The following OPRM1 variants were observed in gnomAD, a reference collection of about 807,000 sequenced individuals.
The protein encoded by OPRM1 is opioid receptor mu 1, also known as mu-type opioid receptor.
OPRM1 carries 27 observed loss-of-function variants against 31.8 expected under a neutral mutation model. The observed-to-expected ratio is 0.85, with a 90% CI of 0.63 to 1.17. OPRM1 has a LOEUF of 1.17. Ranked by LOEUF, OPRM1 falls within the 50% of genes most tolerant of loss-of-function variation. The pLI is 0.00. For synonymous variants in OPRM1, 196 were observed against 189.9 expected (o/e 1.03, Z -0.26); for missense variants, 536 against 511.1 (o/e 1.05, Z -0.47).
In OPRM1 at chr6:154,091,466, T is replaced by G. The variant is rs776230437; in HGVS notation, c.1158T>G (p.Asn386Lys). The G allele has an allele frequency of 6.2e-7, 1 of 1,611,050 alleles. No individual in the cohort carries two copies. The highest frequency in any genetic ancestry group is 8.5e-7 in the Non-Finnish European group (1 of 1,179,726). Residue 386 changes from asparagine to lysine, a missense_variant, in exon 3 of 4, where the codon AAT (asparagine) becomes AAG (lysine). Asn to Lys is a moderately conservative substitution (Grantham distance 94). Transcript: ENST00000330432. ...PSTANTVDRTNHQLENLEAET... is the reference protein window; with the variant it reads ...PSTANTVDRTKHQLENLEAET... Reference sequence around the variant, plus strand: ...CGGCCAATACAGTGGATAGAACTAATCATCAGGTACGCAGTCTCTAGAATT... The same window carrying G: ...CGGCCAATACAGTGGATAGAACTAAGCATCAGGTACGCAGTCTCTAGAATT...
intron 1 of OPRM1, among the ~76,000 whole-genome samples, chr6:154,083,943 C>CAA (rs57976654): frequency 0.044 from 1,559 of 35,046 alleles, 196 homozygotes; most frequent in African/African-American, 0.13. Context: ...GACTCCGTCT[C>CAA]AAAAAAAAAA....
intron 3 of OPRM1, among the ~76,000 whole-genome samples, chr6:154,232,049 GT>G (rs1269136068): frequency 1.3e-5 from 2 of 152,184 alleles, no homozygotes; most frequent in African/African-American, 2.4e-5. Flanking sequence ...GTCTTGGTAG[GT>G]TTTTTTCCTT....
Position 154,047,438 on chromosome 6 carries a change from T to TTCTCTCTC in OPRM1, c.290+7626_290+7633dup, listed in dbSNP as rs61704475. ...TGGCAAAGGTGGAGCGTGGGCAAAATTCTCTCTCTCTCTCTCTCTCTCTCT... is the reference window on the plus strand; with the variant it reads ...TGGCAAAGGTGGAGCGTGGGCAAAATTCTCTCTCTCTCTCTCTCTCTCTCTCTCTCTCT... On this transcript the variant is annotated intron_variant, in intron 1 of 3. Coordinates refer to ENST00000330432, the MANE Select transcript of OPRM1 (RefSeq NM_000914.5). 3.0e-3 allele frequency among the ~76,000 whole-genome samples: 443 copies of TTCTCTCTC among 146,580 alleles called. 1 individual carries two copies. Among genetic ancestry groups the TTCTCTCTC allele is most frequent in the African/African-American group, 0.011 (425 of 40,078 alleles).
intron 1 of OPRM1, among the ~76,000 whole-genome samples, chr6:154,018,343 C>T (rs540693005): frequency 6.6e-6 from 1 of 152,124 alleles, no homozygotes; most frequent in African/African-American, 2.4e-5. Flanking sequence ...TCACTTGAAC[C>T]TAGGAGGCAG....
intron 3 of OPRM1, among the ~76,000 whole-genome samples, chr6:154,104,786 T>A (rs1482862065): frequency 1.2e-4 from 19 of 152,236 alleles, no homozygotes; most frequent in Admixed American, 1.2e-3. Context: ...TTGGCTTTGA[T>A]GGAATGCTGT....
chr6:154,064,521 T>A (rs951129695), intron 1 of OPRM1, among the ~76,000 whole-genome samples: 1 of 152,230 alleles, frequency 6.6e-6, no homozygotes, highest in Non-Finnish European at 1.5e-5. Flanking sequence ...TGTTTGCTTT[T>A]GTTGCCTGTG....
intron 3 of OPRM1, among the ~76,000 whole-genome samples, chr6:154,152,330 A>AAAGAAAGAAAGAAAG: frequency 2.2e-5 from 1 of 44,938 alleles, no homozygotes; most frequent in African/African-American, 1.2e-4. Flanking sequence ...AAAGAAAGAA[A>AAAGAAAGAAAGAAAG]GAAAGAAAGA....
At chr6:154,102,935 A>C (rs1468196338) in intron 3 of OPRM1, among the ~76,000 whole-genome samples, 1 of 149,906 alleles carries the variant, frequency 6.7e-6, no homozygotes, top group African/African-American at 2.5e-5. Flanking sequence ...AAAAAAAAAA[A>C]ACACTCCATA....
Position 154,039,380 on chromosome 6 carries a change from C to G in OPRM1, c.-165C>G, listed in dbSNP as rs548400413. On this transcript the variant is annotated 5_prime_UTR_variant, in exon 1 of 4. Coordinates refer to ENST00000330432, the MANE Select transcript of OPRM1 (RefSeq NM_000914.5). ...GAGAATGTCAGATGCTCAGCTCGGTCCCCTCCGCCTGACGCTCCTCTCTGT... is the reference window on the plus strand; with the variant it reads ...GAGAATGTCAGATGCTCAGCTCGGTGCCCTCCGCCTGACGCTCCTCTCTGT... 18 of 1,545,152 alleles carry G rather than the reference C, an allele frequency of 1.2e-5. No homozygotes were observed. The highest frequency in any genetic ancestry group is 1.6e-5 in the Non-Finnish European group (18 of 1,143,032).
chr6:154,175,415 T>C (rs1435788524), intron 3 of OPRM1, among the ~76,000 whole-genome samples: 2 of 139,540 alleles, frequency 1.4e-5, no homozygotes, highest in South Asian at 4.6e-4. Context: ...ATCAACAAAA[T>C]AGATAGAATG....
chr6:154,194,033 T>C (rs1368594709), intron 3 of OPRM1, among the ~76,000 whole-genome samples: 1 of 152,248 alleles, frequency 6.6e-6, no homozygotes, highest in African/African-American at 2.4e-5. Flanking sequence ...TTTGTGACCA[T>C]GAGCAGTGGT....
chr6:154,018,442 A>G (rs1281689346), intron 1 of OPRM1, among the ~76,000 whole-genome samples: 1 of 151,668 alleles, frequency 6.6e-6, no homozygotes, highest in Non-Finnish European at 1.5e-5. Flanking sequence ...ACAAACAAAA[A>G]GAAGAAAATA....
At chr6:154,242,521 C>T (rs1175212568) in intron 3 of OPRM1, among the ~76,000 whole-genome samples, 1 of 152,120 alleles carries the variant, frequency 6.6e-6, no homozygotes, top group Admixed American at 6.5e-5. Flanking sequence ...TCTTCTCCTA[C>T]AGAAATGATC....
At chr6:154,152,327 G>GGA (rs1554285060) in intron 3 of OPRM1, among the ~76,000 whole-genome samples, 1 of 28,646 alleles carries the variant, frequency 3.5e-5, no homozygotes, top group Non-Finnish European at 6.9e-5. Context: ...AAGAAAGAAA[G>GGA]AAAGAAAGAA....
intron 3 of OPRM1, among the ~76,000 whole-genome samples, chr6:154,139,005 C>T (rs557723271): frequency 1.1e-4 from 16 of 152,344 alleles, no homozygotes; most frequent in Non-Finnish European, 2.1e-4. Flanking sequence ...CAGGATTTCA[C>T]CTCCAAGCCA....
intron 3 of OPRM1, among the ~76,000 whole-genome samples, chr6:154,144,336 C>G (rs1159613703): frequency 1.3e-5 from 2 of 152,130 alleles, no homozygotes; most frequent in Non-Finnish European, 2.9e-5. Context: ...TATATTGATA[C>G]CAAACCAGAT....
At chr6:154,016,230 G>C (rs1777996481) in intron 1 of OPRM1, among the ~76,000 whole-genome samples, 1 of 152,134 alleles carries the variant, frequency 6.6e-6, no homozygotes, top group Non-Finnish European at 1.5e-5. Flanking sequence ...GTTGAATAAA[G>C]TATGGTAATT....
chr6:154,147,713 G>A (rs1042548952), intron 3 of OPRM1, among the ~76,000 whole-genome samples: 1 of 152,160 alleles, frequency 6.6e-6, no homozygotes, highest in Non-Finnish European at 1.5e-5. Context: ...CTCCTACCAT[G>A]AGGAACCCAA....
chr6:154,238,232 G>A (rs1387882592), intron 3 of OPRM1, among the ~76,000 whole-genome samples: 2 of 152,002 alleles, frequency 1.3e-5, no homozygotes, highest in Non-Finnish European at 2.9e-5. Flanking sequence ...GTCTAAACTC[G>A]TGCCATGGTG....
Sources: gnomAD v4.1 joint callset for allele counts (sites outside exome capture counted in the v4.1 genomes callset) on GRCh38, gnomAD v4.1.1 for gene constraint, MANE v1.5 for transcripts, NCBI Gene and HGNC (gene_info 2026-07-23, HGNC 2026-07-21) for gene names.